The following ASB4 variants were observed in gnomAD, a reference collection of about 807,000 sequenced individuals.
The protein encoded by ASB4 is ankyrin repeat and SOCS box protein 4.
Under a neutral mutation model 38.6 loss-of-function variants are expected in ASB4, and 35 were observed. The observed-to-expected ratio is 0.91, with a 90% CI of 0.69 to 1.20. The LOEUF (loss-of-function observed/expected upper bound fraction) is 1.20. Ranked by LOEUF, ASB4 falls within the 50% of genes most tolerant of loss-of-function variation. The probability of loss-of-function intolerance (pLI) is 0.00; values close to 1 mark genes in which losing one functional copy is unlikely to be tolerated. For synonymous variants in ASB4, 195 were observed against 201.3 expected, an observed-to-expected ratio of 0.97 and a Z score of 0.26; for missense variants, 557 against 527.2, an observed-to-expected ratio of 1.06 and a Z score of -0.55.
intron 4 of ASB4, 97 bp downstream of exon 4, chr7:95,536,647 A>T: frequency 1.4e-6 from 1 of 737,274 alleles, no homozygotes; most frequent in Non-Finnish European, 2.2e-6. Context: ...TGGTTTTGAG[A>T]ATGCCTTTAA....
At chr7:95,509,228 A>C (rs1236127999) in intron 2 of ASB4, among the ~76,000 whole-genome samples, 1 of 152,210 alleles carries the variant, frequency 6.6e-6, no homozygotes, top group African/African-American at 2.4e-5. Context: ...AAAGCCCTAA[A>C]GAAGTAGGGG....
chr7:95,539,323 G>A lies in ASB4; in HGVS notation c.*1564G>A, dbSNP rs1258983117. 2.6e-5 allele frequency: 4 copies of A among 152,156 alleles called. No homozygotes were observed. The highest frequency in any genetic ancestry group is 7.2e-5 in the African/African-American group (3 of 41,426). 9.4% of individuals were successfully genotyped at this position (152,156 alleles called of 1,614,324 possible). A position where few individuals can be genotyped will look rare whatever the true frequency, so the allele number is the denominator to read the frequency against. ...ACTGGTTAATCTCAGTTGAGACTGT[G>A]CTTCTGAACTGGGATTGTCTTACTC... On this transcript the variant is annotated 3_prime_UTR_variant, in exon 5 of 5. Transcript: ENST00000325885.
the ASB4 span, among the ~76,000 whole-genome samples, chr7:95,547,369 C>G: frequency 6.6e-6 from 1 of 152,288 alleles, no homozygotes; most frequent in South Asian, 2.1e-4. Flanking sequence ...TGGTTTTGAA[C>G]TTCACAAAAA....
At chr7:95,541,318 G>T (rs11489575), downstream of ASB4, among the ~76,000 whole-genome samples, 2,247 of 152,290 alleles carry the variant, frequency 0.015, 46 homozygotes, top group African/African-American at 0.051. Context: ...ATGTAGAGCA[G>T]ACCATGACAC....
At chr7:95,524,724 G>A (rs1425441998) in intron 2 of ASB4, among the ~76,000 whole-genome samples, 1 of 152,172 alleles carries the variant, frequency 6.6e-6, no homozygotes, top group African/African-American at 2.4e-5. Flanking sequence ...ATTGCAGTAT[G>A]ACTGGTGTTC....
intron 3 of ASB4, among the ~76,000 whole-genome samples, chr7:95,533,844 C>T (rs1267405929): frequency 6.6e-6 from 1 of 152,124 alleles, no homozygotes; most frequent in Non-Finnish European, 1.5e-5. Context: ...AGTAAGTCCT[C>T]GAAAAATGGT....
intron 1 of ASB4, among the ~76,000 whole-genome samples, chr7:95,494,040 C>CA (rs1790211965): frequency 6.6e-6 from 1 of 152,180 alleles, no homozygotes; most frequent in Non-Finnish European, 1.5e-5. Context: ...TCACAGAGTA[C>CA]AATGCAAATG....
At chr7:95,542,499 C>CGGCTCATT (rs976851556), downstream of ASB4, 1 of 152,206 alleles carries the variant, frequency 6.6e-6, no homozygotes, top group African/African-American at 2.4e-5. Context: ...GGCACGATCT[C>CGGCTCATT]GGCTCATTGC....
intron 2 of ASB4, among the ~76,000 whole-genome samples, chr7:95,521,876 T>G (rs1011967721): frequency 1.3e-5 from 2 of 151,882 alleles, no homozygotes; most frequent in South Asian, 4.1e-4. Context: ...TTTAGAACAG[T>G]AGTTACCTCT....
chr7:95,515,588 G>T (rs1418473455), intron 2 of ASB4, among the ~76,000 whole-genome samples: 1 of 151,762 alleles, frequency 6.6e-6, no homozygotes, highest in African/African-American at 2.4e-5. Flanking sequence ...GCTAATTTTT[G>T]TGTTTTTCAT....
In ASB4 at chr7:95,528,031, C is replaced by G; in HGVS notation, c.706C>G (p.Arg236Gly). 1 of 1,614,094 alleles carries G rather than the reference C, an allele frequency of 6.2e-7. No individual in the cohort carries two copies. The highest frequency in any genetic ancestry group is 1.3e-5 in the African/African-American group (1 of 75,016). Residue 236 changes from arginine (R) to glycine (G), a missense_variant, in exon 3 of 5, where the codon CGC becomes GGC. Physicochemically the swap from Arg to Gly is moderately radical, Grantham distance 125 (BLOSUM62 -2). Transcript: ENST00000325885. ...EYSTEHHLVC[R>G]MLLDYKAEVN... Reference sequence around the variant, plus strand: ...CAGCACGGAGCACCACCTGGTCTGCCGCATGCTGCTTGACTACAAAGCCGA... The same window carrying G: ...CAGCACGGAGCACCACCTGGTCTGCGGCATGCTGCTTGACTACAAAGCCGA...
Position 95,528,193 on chromosome 7 carries a change from C to T in ASB4, c.868C>T (p.Gln290Ter), listed in dbSNP as rs1238494558. Residue 290 changes from glutamine (Q) to a stop codon, truncating the protein, a stop_gained, in exon 3 of 5, where the codon CAG becomes TAG. Transcript: ENST00000325885. LOFTEE classifies it high-confidence loss of function. Reference protein sequence around the residue: ...LMDINGCAAIQYVLKVTSVRP... With the variant: ...LMDINGCAAI ...GGATATCAACGGCTGTGCTGCCATC[C>T]AGTACGTGCTGAAGGTCACCTCCGT... is the stretch of plus-strand genomic sequence containing the variant. 6.2e-7 allele frequency: 1 copy of T among 1,614,080 alleles called. No individual in the cohort carries two copies. Among genetic ancestry groups the T allele is most frequent in the African/African-American group, 1.3e-5 (1 of 74,934 alleles).
chr7:95,523,201 T>C (rs1447977145), intron 2 of ASB4, among the ~76,000 whole-genome samples: 1 of 152,220 alleles, frequency 6.6e-6, no homozygotes, highest in African/African-American at 2.4e-5. Flanking sequence ...AAGATTGTTA[T>C]GCAACTTCTG....
At chr7:95,548,447 C>G in the ASB4 span, among the ~76,000 whole-genome samples, 1 of 152,156 alleles carries the variant, frequency 6.6e-6, no homozygotes, top group African/African-American at 2.4e-5. Flanking sequence ...TCAGTGTATA[C>G]TGTTTTAAGA....
At chr7:95,514,039 C>T (rs983909068) in intron 2 of ASB4, among the ~76,000 whole-genome samples, 1 of 152,212 alleles carries the variant, frequency 6.6e-6, no homozygotes, top group African/African-American at 2.4e-5. Context: ...TGTGCACTCA[C>T]ATGATCTCAT....
intron 4 of ASB4, 39 bp downstream of exon 4, chr7:95,536,589 A>G (rs781012077): frequency 2.1e-6 from 3 of 1,455,736 alleles, no homozygotes; most frequent in Non-Finnish European, 2.9e-6. Flanking sequence ...TTCACTATCA[A>G]GTACTTCCAG....
At chr7:95,501,329 C>T (rs530360952) in intron 2 of ASB4, among the ~76,000 whole-genome samples, 6 of 152,254 alleles carry the variant, frequency 3.9e-5, no homozygotes, top group African/African-American at 1.4e-4. Flanking sequence ...CTGTTCCCTG[C>T]TACTTTATCT....
intron 3 of ASB4, among the ~76,000 whole-genome samples, chr7:95,530,130 A>G (rs964398424): frequency 2.7e-5 from 4 of 148,018 alleles, no homozygotes; most frequent in Non-Finnish European, 4.5e-5. Flanking sequence ...AGAGAATGCC[A>G]GATTATGTGT....
At chr7:95,488,842 G>A (rs1340100107) in intron 1 of ASB4, among the ~76,000 whole-genome samples, 2 of 152,184 alleles carry the variant, frequency 1.3e-5, no homozygotes, top group Non-Finnish European at 2.9e-5. Flanking sequence ...TACTTTTAAA[G>A]TGTGGGAATC....
Sources: allele counts gnomAD v4.1 joint callset (sites outside exome capture counted in the v4.1 genomes callset), GRCh38; gene constraint gnomAD v4.1.1; transcripts MANE v1.5; gene names NCBI Gene and HGNC (gene_info 2026-07-23, HGNC 2026-07-21).